Variants in ABCA3 observed in about 807,000 individuals in gnomAD.
The protein encoded by ABCA3 is phospholipid-transporting ATPase ABCA3.
ABCA3 carries 88 observed loss-of-function variants against 172.8 expected under a neutral mutation model. The observed-to-expected ratio is 0.51, with a 90% CI of 0.43 to 0.61. The LOEUF is 0.61. ABCA3 is among the 20% of genes least tolerant of loss of function. The pLI, the probability that ABCA3 is intolerant of heterozygous loss-of-function variation, is 0.00. For missense variants in ABCA3, 2,164 were observed against 2,301.0 expected (o/e 0.94, Z 1.22); for synonymous variants, 1,066 against 983.8 (o/e 1.08, Z -1.56).
At chr16:2,318,182 C>G (rs142338918) in intron 8 of ABCA3, among the ~76,000 whole-genome samples, 7 of 152,328 alleles carry the variant, frequency 4.6e-5, no homozygotes, top group African/African-American at 1.7e-4. Flanking sequence ...GACGTGACCA[C>G]AGATCAGACC....
At chr16:2,326,881 G>A (rs549518502) in intron 3 of ABCA3, among the ~76,000 whole-genome samples, 6 of 152,072 alleles carry the variant, frequency 3.9e-5, no homozygotes, top group East Asian at 1.9e-4. Context: ...CCAGCTACTC[G>A]AGAGGCTGAG....
Position 2,285,002 on chromosome 16 carries a change from C to T in ABCA3, c.3484-4G>A, listed in dbSNP as rs761533713. On this transcript the variant is annotated splice_region_variant and splice_polypyrimidine_tract_variant and intron_variant, in intron 23 of 32. Coordinates refer to ENST00000301732, the MANE Select transcript of ABCA3 (RefSeq NM_001089.3). The surrounding 1 kb of genome is among the most constrained non-coding windows in gnomAD (Gnocchi z 4.7). ...CGTCGAAGGCCTTAAACACCACCTG[C>T]GGCGGCACAGGGAGGCGCTGCTGTG... is the stretch of plus-strand genomic sequence containing the variant. 2.0e-5 allele frequency: 33 copies of T among 1,611,856 alleles called. No individual in the cohort carries two copies. In the East Asian group the frequency reaches 2.5e-4, roughly 12 times the overall value.
At position 2,278,375 on chromosome 16, in the gene ABCA3, C is replaced by A. The variant is rs762207769; in HGVS notation, c.4631G>T (p.Gly1544Val). The part of the protein sequence containing the change: ...AVIFLDEPST[G>V]MDPVARRLLW... ...CAGGCGCCGGGCCACGGGGTCCATG[C>A]CAGTGGACGGCTCGTCCAGGAAGAT... The change falls in exon 30 of 33, where the codon GGC becomes GTC. Residue 1544 changes from glycine to valine, a missense_variant. Gly to Val is a moderately radical substitution (Grantham distance 109). Coordinates refer to ENST00000301732, the MANE Select transcript of ABCA3 (RefSeq NM_001089.3). The surrounding 1 kb of genome is among the most constrained non-coding windows in gnomAD (Gnocchi z 4.4). 10 of 1,612,468 alleles carry A rather than the reference C, an allele frequency of 6.2e-6. No homozygotes were observed. Among genetic ancestry groups the A allele is most frequent in the Non-Finnish European group, 8.5e-6 (10 of 1,179,994 alleles).
intron 1 of ABCA3, chr16:2,339,287 G>A (rs1408051371): frequency 6.6e-6 from 1 of 152,142 alleles, no homozygotes; most frequent in African/African-American, 2.4e-5. Context: ...GAAACAACTC[G>A]TGCTACCCTC....
At chr16:2,325,413 C>G (rs1436845063) in intron 5 of ABCA3, among the ~76,000 whole-genome samples, 1 of 152,166 alleles carries the variant, frequency 6.6e-6, no homozygotes, top group Non-Finnish European at 1.5e-5. Context: ...CAGCCCTGGT[C>G]CCATTGTACA....
chr16:2,289,674 G>A (rs2093668835), intron 19 of ABCA3, 54 bp from the exon 20 acceptor site: 2 of 1,534,634 alleles, frequency 1.3e-6, no homozygotes, highest in Non-Finnish European at 8.8e-7. Flanking sequence ...GGTGGGTGGA[G>A]GGAGGGACTA....
At chr16:2,280,889 C>G (rs1693527387) in intron 28 of ABCA3, 138 bp downstream of exon 28, 1 of 1,149,920 alleles carries the variant, frequency 8.7e-7, no homozygotes, top group African/African-American at 1.5e-5. Context: ...TCTCGCTGTC[C>G]AGAGGCATGT....
At chr16:2,299,267 G>A (rs1190900717) in intron 14 of ABCA3, 136 bp downstream of exon 14, 1 of 1,290,406 alleles carries the variant, frequency 7.7e-7, no homozygotes, top group South Asian at 1.2e-5. Flanking sequence ...GGGCCTGCAG[G>A]GCTGAGGTGC....
At chr16:2,336,597 A>ATTTTTT (rs11284766) in intron 1 of ABCA3, among the ~76,000 whole-genome samples, 3 of 101,332 alleles carry the variant, frequency 3.0e-5, no homozygotes, top group African/African-American at 4.2e-5. Context: ...CGCCCAGCTA[A>ATTTTTT]TTTTTTTTTT....
In ABCA3 at chr16:2,284,319, G is replaced by A. The variant is rs753327062; in HGVS notation, c.3822C>T (p.Cys1274=). The change falls in exon 25 of 33, where the codon TGC becomes TGT. Residue 1274 remains cysteine, a synonymous_variant. Coordinates refer to ENST00000301732, the MANE Select transcript of ABCA3 (RefSeq NM_001089.3). This position sits in a 1 kb window ranked among gnomAD's most constrained non-coding sequence, Gnocchi z 5.9. ...AGTGGGCGGCGACCTCGGAGGAGGT[G>A]CAGTACCTCCGCGTCTCGTAGTTCT... The part of the protein sequence containing the change: ...FYENYETRRY[C]TSSEVAAHYC... 1.3e-5 allele frequency: 21 copies of A among 1,613,878 alleles called. No homozygotes were observed. In the South Asian group the frequency reaches 2.1e-4, roughly 16 times the overall value.
rs752660120 is a variant in ABCA3 at position 2,279,149 on chromosome 16, C to T, written c.4360-19G>A. 17 of 1,608,628 alleles carry T rather than the reference C, an allele frequency of 1.1e-5. No individual in the cohort carries two copies. Among genetic ancestry groups the T allele is most frequent in the East Asian group, 2.2e-5 (1 of 44,876 alleles). ...GCCGCACCTGGGGTCGGAGCATAGC[C>T]GGGGAGGGAGGCGGGTTGGAGGGAA... On this transcript the variant is annotated intron_variant, in intron 28 of 32. Transcript: ENST00000301732. The surrounding 1 kb of genome is among the most constrained non-coding windows in gnomAD (Gnocchi z 4.4).
rs746613520 is a variant in ABCA3 at position 2,288,179 on chromosome 16, A to G, written c.2851T>C (p.Phe951Leu). ...GTCAGCCTCAGCATGGGGTCGTCGAAGAGCTCCGAGGAGTAGTTGATGGCC... is the reference window on the plus strand; with the variant it reads ...GTCAGCCTCAGCATGGGGTCGTCGAGGAGCTCCGAGGAGTAGTTGATGGCC... ...LLAINYSSEL[F>L]DDPMLRLTLG... The change falls in exon 21 of 33, where the codon TTC becomes CTC. Residue 951 changes from phenylalanine to leucine, a missense_variant. Phe to Leu is a conservative substitution (Grantham distance 22). Around this residue, in one of 3 missense-constraint regions of ABCA3, gnomAD observed 1,343 missense variants for 1,369.6 expected, o/e 0.98. Transcript: ENST00000301732. 6.2e-7 allele frequency: 1 copy of G among 1,606,508 alleles called. No individual in the cohort carries two copies. Among genetic ancestry groups the G allele is most frequent in the East Asian group, 2.2e-5 (1 of 44,562 alleles).
Position 2,284,216 on chromosome 16 carries a change from T to C in ABCA3, c.3862+63A>G. 1 of 1,566,692 alleles carries C rather than the reference T, an allele frequency of 6.4e-7. No homozygotes were observed. Among genetic ancestry groups the C allele is most frequent in the East Asian group, 2.3e-5 (1 of 43,858 alleles). ...AGGAGCCCCTGCCCTAGGAGGCCCC[T>C]CTGCAGTGACCACGTCCTGAGGACG... On this transcript the variant is annotated intron_variant, in intron 25 of 32. Transcript: ENST00000301732. The surrounding 1 kb of genome is among the most constrained non-coding windows in gnomAD (Gnocchi z 5.9).
At position 2,297,657 on chromosome 16, in the gene ABCA3, T is replaced by C; in HGVS notation, c.2052+109A>G. The C allele has an allele frequency of 6.3e-7, 1 of 1,587,844 alleles. No homozygotes were observed. Among genetic ancestry groups the C allele is most frequent in the Non-Finnish European group, 8.5e-7 (1 of 1,170,766 alleles). ...GCCGGCTTGAGTCCTCCAAGGATGG[T>C]GATGGCCTTGTCTGGGGTGTCAAGG... On this transcript the variant is annotated intron_variant, in intron 16 of 32. Coordinates refer to ENST00000301732, the MANE Select transcript of ABCA3 (RefSeq NM_001089.3). The surrounding 1 kb of genome is among the most constrained non-coding windows in gnomAD (Gnocchi z 5.6).
In ABCA3 at chr16:2,285,100, C is replaced by G; in HGVS notation, c.3484-102G>C. On this transcript the variant is annotated intron_variant, in intron 23 of 32. Transcript: ENST00000301732. The surrounding 1 kb of genome is among the most constrained non-coding windows in gnomAD (Gnocchi z 4.7). Reference sequence around the variant, plus strand: ...CATTTGGAGGTCCTCAGACCCCTCCCGGTCAGCTGGCCCATGTCCATCAGC... The same window carrying G: ...CATTTGGAGGTCCTCAGACCCCTCCGGGTCAGCTGGCCCATGTCCATCAGC... 1 of 1,323,968 alleles carries G rather than the reference C, an allele frequency of 7.6e-7. No individual in the cohort carries two copies. Among genetic ancestry groups the G allele is most frequent in the Non-Finnish European group, 1.0e-6 (1 of 952,932 alleles). 82.0% of individuals were successfully genotyped at this position (1,323,968 alleles called of 1,614,324 possible).
chr16:2,297,464 G>C lies in ABCA3; in HGVS notation c.2128C>G (p.Gln710Glu). 1.9e-6 allele frequency: 3 copies of C among 1,613,798 alleles called. No homozygotes were observed. Among genetic ancestry groups the C allele is most frequent in the Non-Finnish European group, 2.5e-6 (3 of 1,180,016 alleles). The change falls in exon 17 of 33, where the codon CAG (glutamine) becomes GAG (glutamate). Residue 710 changes from glutamine (Q) to glutamate (E), a missense_variant. By Grantham distance (29) the Gln-to-Glu change is conservative. Transcript: ENST00000301732. The surrounding 1 kb of genome is among the most constrained non-coding windows in gnomAD (Gnocchi z 5.6). ...RRAIWDLLQR[Q>E]KSDRTIVLTT... ...AGCACGATGGTGCGGTCACTTTTCT[G>C]CCGCTGAAGAAGATCCCAGATGGCC...
chr16:2,327,847 A>G (rs1391435277), intron 3 of ABCA3, among the ~76,000 whole-genome samples: 1 of 152,010 alleles, frequency 6.6e-6, no homozygotes, highest in Non-Finnish European at 1.5e-5. Context: ...CAGCCTCCTG[A>G]GTAACTGGGA....
chr16:2,292,018 A>T lies in ABCA3; in HGVS notation c.2513+122T>A, dbSNP rs1408348368. On this transcript the variant is annotated intron_variant, in intron 19 of 32. Coordinates refer to ENST00000301732, the MANE Select transcript of ABCA3 (RefSeq NM_001089.3). ...AACCCAGGAGGCGGAGGTTGCGGTG[A>T]GCCGAGATCGCACCACTGCACTCCA... is the stretch of plus-strand genomic sequence containing the variant. 8 of 744,550 alleles carry T rather than the reference A, an allele frequency of 1.1e-5. No homozygotes were observed. The Middle Eastern group carries it at 1.1e-3, about 103-fold the overall frequency. The allele number at this position is 744,550 out of a possible 1,614,324, so 46.1% of individuals were successfully genotyped here.
At chr16:2,324,157 G>C (rs553727792) in intron 6 of ABCA3, among the ~76,000 whole-genome samples, 16 of 152,338 alleles carry the variant, frequency 1.1e-4, no homozygotes, top group Admixed American at 5.2e-4. Context: ...ACAGAAAGGA[G>C]CTTGGGGCGG....
Sources: gnomAD v4.1 joint callset for allele counts (sites outside exome capture counted in the v4.1 genomes callset) on GRCh38, gnomAD v4.1.1 for gene constraint, gnomAD v4.1.1 regional missense constraint, Gnocchi (gnomAD v3.1) non-coding constraint, MANE v1.5 for transcripts, NCBI Gene and HGNC (gene_info 2026-07-23, HGNC 2026-07-21) for gene names.